PHF24: variants seen among roughly 807,000 people sequenced by gnomAD.
The protein encoded by PHF24 is Galpha inhibitory interacting protein.
Under a neutral mutation model 42.6 loss-of-function variants are expected in PHF24, and 25 were observed. The ratio of observed to expected loss-of-function variants is 0.59; its 90% CI spans 0.43 to 0.82. The LOEUF (loss-of-function observed/expected upper bound fraction) is 0.82, where lower values mean the gene tolerates loss of function less well. PHF24 is among the 40% of genes least tolerant of loss of function. PHF24 has a pLI of 0.00. For synonymous variants in PHF24, 185 were observed against 204.8 expected (o/e 0.90, Z 0.83); for missense variants, 470 against 538.1 (o/e 0.87, Z 1.25).
chr9:34,797,083 A>G, the PHF24 span, among the ~76,000 whole-genome samples: 5 of 152,188 alleles, frequency 3.3e-5, no homozygotes, highest in Non-Finnish European at 7.4e-5. Flanking sequence ...AGGTGTTGCA[A>G]CAGGATAGCT....
At chr9:34,753,097 A>G in the PHF24 span, among the ~76,000 whole-genome samples, 7 of 152,286 alleles carry the variant, frequency 4.6e-5, no homozygotes, top group African/African-American at 1.7e-4. Context: ...GAAAAACAAA[A>G]AGCCTTTCCT....
the PHF24 span, among the ~76,000 whole-genome samples, chr9:34,947,127 A>T: frequency 8.5e-5 from 13 of 152,254 alleles, no homozygotes. Flanking sequence ...ACTCGGACCT[A>T]GCCAATTATA....
the PHF24 span, among the ~76,000 whole-genome samples, chr9:34,804,302 T>C: frequency 3.3e-5 from 5 of 152,108 alleles, no homozygotes; most frequent in Non-Finnish European, 7.4e-5. Context: ...AATGGCAGAA[T>C]AAAAAAGTCT....
the PHF24 span, among the ~76,000 whole-genome samples, chr9:34,879,412 C>G: frequency 2.6e-5 from 4 of 152,162 alleles, no homozygotes; most frequent in African/African-American, 9.7e-5. Context: ...TAACAAACTT[C>G]TCCAAGCTAA....
chr9:34,971,292 C>T lies in PHF24; in HGVS notation c.-4-3C>T. On this transcript the variant is annotated splice_polypyrimidine_tract_variant and splice_region_variant and intron_variant, in intron 1 of 7. Coordinates refer to ENST00000242315, the Ensembl canonical transcript of PHF24. ...CCTGTGCCCCTCTGCTTTTTGTCCACAGAGCCATGGGGGTGTTGATGTCCA... is the reference window on the plus strand; with the variant it reads ...CCTGTGCCCCTCTGCTTTTTGTCCATAGAGCCATGGGGGTGTTGATGTCCA... 1.3e-6 allele frequency: 2 copies of T among 1,585,286 alleles called. No individual in the cohort carries two copies. Among genetic ancestry groups the T allele is most frequent in the South Asian group, 1.1e-5 (1 of 87,910 alleles).
chr9:34,858,212 G>A, the PHF24 span, among the ~76,000 whole-genome samples: 5 of 152,030 alleles, frequency 3.3e-5, no homozygotes, highest in Non-Finnish European at 7.4e-5. Flanking sequence ...TCATGGCCAT[G>A]CATTGGTATC....
chr9:34,884,132 G>T, the PHF24 span, among the ~76,000 whole-genome samples: 1 of 152,086 alleles, frequency 6.6e-6, no homozygotes, highest in Non-Finnish European at 1.5e-5. Context: ...ACCAAGCACC[G>T]CATGTTCTCA....
the PHF24 span, among the ~76,000 whole-genome samples, chr9:34,805,402 G>C: frequency 6.6e-6 from 1 of 152,184 alleles, no homozygotes; most frequent in Non-Finnish European, 1.5e-5. Context: ...AGCCATCCCA[G>C]TGAGTATGAA....
At chr9:34,832,336 G>T in the PHF24 span, 1 of 690,928 alleles carries the variant, frequency 1.4e-6, no homozygotes, top group South Asian at 1.8e-5. Context: ...GCCACTCAAG[G>T]ACAGTGACGA....
chr9:34,681,926 G>A, the PHF24 span, among the ~76,000 whole-genome samples: 1 of 152,310 alleles, frequency 6.6e-6, no homozygotes, highest in Non-Finnish European at 1.5e-5. Flanking sequence ...TAGTAAGAAG[G>A]TGGCTGGCTG....
At chr9:34,770,781 A>T in the PHF24 span, among the ~76,000 whole-genome samples, 1 of 152,128 alleles carries the variant, frequency 6.6e-6, no homozygotes, top group African/African-American at 2.4e-5. Flanking sequence ...GCAAAAAAAA[A>T]TTAAAGTCTC....
At chr9:34,727,684 G>T in the PHF24 span, among the ~76,000 whole-genome samples, 3 of 152,288 alleles carry the variant, frequency 2.0e-5, no homozygotes, top group Admixed American at 6.5e-5. Context: ...ATAAGACAAG[G>T]ATGACTTCTT....
At chr9:34,749,034 G>C in the PHF24 span, among the ~76,000 whole-genome samples, 1 of 151,982 alleles carries the variant, frequency 6.6e-6, no homozygotes, top group Non-Finnish European at 1.5e-5. Context: ...GAATCAAGTA[G>C]ACATTCTCAA....
the PHF24 span, among the ~76,000 whole-genome samples, chr9:34,936,119 G>GC: frequency 6.6e-6 from 1 of 151,266 alleles, no homozygotes; most frequent in South Asian, 2.1e-4. Context: ...CTGATGCCGA[G>GC]CCGAAGCTGG....
At chr9:34,730,603 C>G in the PHF24 span, among the ~76,000 whole-genome samples, 5 of 152,204 alleles carry the variant, frequency 3.3e-5, no homozygotes, top group Non-Finnish European at 4.4e-5. Flanking sequence ...AATGTAGTTT[C>G]AAAGACAAGA....
chr9:34,758,086 G>A, the PHF24 span, among the ~76,000 whole-genome samples: 15 of 151,914 alleles, frequency 9.9e-5, no homozygotes, highest in Admixed American at 6.6e-5. The surrounding 1 kb of genome is among the most constrained non-coding windows in gnomAD (Gnocchi z 4.4). Context: ...CTGCTTGGCT[G>A]GCTTGGGGAT....
At chr9:34,873,780 A>G in the PHF24 span, among the ~76,000 whole-genome samples, 2 of 150,676 alleles carry the variant, frequency 1.3e-5, no homozygotes, top group East Asian at 1.9e-4. Flanking sequence ...CATTGAATCT[A>G]TAAATTACCT....
chr9:34,681,577 G>A, the PHF24 span, among the ~76,000 whole-genome samples: 34 of 152,408 alleles, frequency 2.2e-4, no homozygotes, highest in Admixed American at 1.5e-3. Flanking sequence ...CTGGGAGACC[G>A]AGGTGGGTGG....
At chr9:34,769,468 A>T in the PHF24 span, among the ~76,000 whole-genome samples, 1 of 152,216 alleles carries the variant, frequency 6.6e-6, no homozygotes. Flanking sequence ...TAAGGGATAG[A>T]AAGACTCAAC....
Sources: gnomAD v4.1 joint callset for allele counts (sites outside exome capture counted in the v4.1 genomes callset) on GRCh38, gnomAD v4.1.1 for gene constraint, Gnocchi (gnomAD v3.1) non-coding constraint, MANE v1.5 for transcripts, NCBI Gene and HGNC (gene_info 2026-07-23, HGNC 2026-07-21) for gene names.